Variants in FAIM observed in about 807,000 individuals in gnomAD.
FAIM encodes the protein Fas apoptotic inhibitory molecule.
FAIM carries 14 observed loss-of-function variants against 21.2 expected under a neutral mutation model. The ratio of observed to expected loss-of-function variants is 0.66; its 90% CI spans 0.44 to 1.03. FAIM has a LOEUF of 1.03. Among genes scored for constraint, FAIM ranks in the 50% least tolerant of loss-of-function variants. FAIM has a pLI of 0.00. For synonymous variants in FAIM, 86 were observed against 80.4 expected, an observed-to-expected ratio of 1.07 and a Z score of -0.37; for missense variants, 222 against 247.1, an observed-to-expected ratio of 0.90 and a Z score of 0.68.
In FAIM at chr3:138,624,232, A is replaced by G. The variant is rs75234259; in HGVS notation, c.406+1816A>G. ...ACTTAAACATATGGGACTTTAACAG[A>G]TGATGAAACCAGGCCTTTAAATTAA... On this transcript the variant is annotated intron_variant, in intron 4 of 5. Coordinates refer to ENST00000360570, the MANE Select transcript of FAIM (RefSeq NM_001033031.2). Among the ~76,000 whole-genome samples, 428 of 152,340 alleles carry G rather than the reference A, an allele frequency of 2.8e-3. 2 individuals carry two copies. The highest frequency in any genetic ancestry group is 3.8e-3 in the Non-Finnish European group (261 of 68,028).
intron 1 of FAIM, 98 bp from the exon 2 acceptor site, chr3:138,619,613 A>G (rs1028670543): frequency 9.4e-7 from 1 of 1,068,286 alleles, no homozygotes; most frequent in African/African-American, 1.6e-5. Flanking sequence ...TGGATTGCAA[A>G]ATTAGAAAAA....
chr3:138,620,773 G>A (rs944934730), intron 2 of FAIM, among the ~76,000 whole-genome samples: 1 of 152,214 alleles, frequency 6.6e-6, no homozygotes, highest in Non-Finnish European at 1.5e-5. Flanking sequence ...ACAGGCATGA[G>A]CCCCTGCACC....
intron 4 of FAIM, among the ~76,000 whole-genome samples, chr3:138,627,485 T>G (rs2042951551): frequency 6.6e-6 from 1 of 152,188 alleles, no homozygotes; most frequent in South Asian, 2.1e-4. Flanking sequence ...CTGGCCTTTT[T>G]TTGTACTTTT....
intron 4 of FAIM, among the ~76,000 whole-genome samples, chr3:138,624,847 T>C (rs2042923970): frequency 6.6e-6 from 1 of 151,920 alleles, no homozygotes; most frequent in Non-Finnish European, 1.5e-5. Context: ...TTAACAGTGT[T>C]TCTCACATTG....
intron 5 of FAIM, chr3:138,629,934 C>G (rs754377721): frequency 1.3e-5 from 2 of 152,030 alleles, no homozygotes; most frequent in Non-Finnish European, 2.9e-5. Flanking sequence ...GAATTTCAAG[C>G]AGGAGTGAAA....
At chr3:138,610,996 C>G (rs2042762154) in intron 1 of FAIM, 1 of 1,613,888 alleles carries the variant, frequency 6.2e-7, no homozygotes. Context: ...CACTGTTGTG[C>G]TATAATCATC....
chr3:138,627,569 C>T lies in FAIM; in HGVS notation c.407-1538C>T, dbSNP rs116805412. 2.9e-3 allele frequency among the ~76,000 whole-genome samples: 444 copies of T among 152,256 alleles called. 2 individuals carry two copies. The highest frequency in any genetic ancestry group is 0.01 in the African/African-American group (424 of 41,538). Reference sequence around the variant, plus strand: ...TGTTCTTCAGAGGCATGCTAATACGCTATTGTAGAAACTCTGAGTACACGT... The same window carrying T: ...TGTTCTTCAGAGGCATGCTAATACGTTATTGTAGAAACTCTGAGTACACGT... On this transcript the variant is annotated intron_variant, in intron 4 of 5. Transcript: ENST00000360570.
intron 5 of FAIM, chr3:138,630,170 C>T (rs2042990174): frequency 6.6e-6 from 1 of 152,152 alleles, no homozygotes. Context: ...TTGCTTTTAT[C>T]TCATTTGTAT....
At chr3:138,629,428 A>T in intron 5 of FAIM, 1 of 281,998 alleles carries the variant, frequency 3.5e-6, no homozygotes, top group Non-Finnish European at 6.5e-6. Flanking sequence ...AGCAAGTAAA[A>T]TACCTAAAAA....
Position 138,619,751 on chromosome 3 carries a change from A to G in FAIM, c.25A>G (p.Ile9Val). ...CATGGCATCTGGAGATGACAGTCCT[A>G]TCTTTGAAGATGATGAAAGGTAAAT... is the stretch of plus-strand genomic sequence containing the variant. Reference protein sequence around the residue: MASGDDSPIFEDDESPPYS... With the variant: MASGDDSPVFEDDESPPYS... Residue 9 changes from isoleucine to valine, a missense_variant, in exon 2 of 6, where the codon ATC becomes GTC. By Grantham distance (29) the Ile-to-Val change is conservative (BLOSUM62 3). Coordinates refer to ENST00000360570, the MANE Select transcript of FAIM (RefSeq NM_001033031.2). 2 of 1,613,722 alleles carry G rather than the reference A, an allele frequency of 1.2e-6. No individual in the cohort carries two copies. The highest frequency in any genetic ancestry group is 2.2e-5 in the South Asian group (2 of 90,958).
chr3:138,621,367 T>C, intron 2 of FAIM, 40 bp from the exon 3 acceptor site: 1 of 1,588,680 alleles, frequency 6.3e-7, no homozygotes, highest in Admixed American at 1.8e-5. Flanking sequence ...ATTTAATTAG[T>C]ATTTTGGCCT....
intron 1 of FAIM, among the ~76,000 whole-genome samples, chr3:138,619,162 C>A (rs1316696105): frequency 2.0e-5 from 3 of 152,238 alleles, no homozygotes; most frequent in Non-Finnish European, 4.4e-5. Context: ...TTCTTGCAAA[C>A]TCATTAGTTC....
At chr3:138,628,548 G>T (rs529540460) in intron 4 of FAIM, among the ~76,000 whole-genome samples, 1 of 151,502 alleles carries the variant, frequency 6.6e-6, no homozygotes, top group African/African-American at 2.4e-5. Context: ...GCAGTGGTGC[G>T]GTCTCGGCTC....
At chr3:138,610,921 A>C in intron 1 of FAIM, 11 of 1,571,974 alleles carry the variant, frequency 7.0e-6, no homozygotes, top group East Asian at 2.2e-5. Context: ...CTTCTTCGGC[A>C]GAGCTACGAC....
In FAIM at chr3:138,633,146, T is replaced by C. The variant is rs1251871962; in HGVS notation, c.*67T>C. On this transcript the variant is annotated 3_prime_UTR_variant, in exon 6 of 6. Coordinates refer to ENST00000360570, the MANE Select transcript of FAIM (RefSeq NM_001033031.2). ...TACTGTGGTAATTAAATGTGTTCAG[T>C]ATGTACTTATCAGTACATTTAGTCT... is the stretch of plus-strand genomic sequence containing the variant. 28 of 1,424,268 alleles carry C rather than the reference T, an allele frequency of 2.0e-5. No homozygotes were observed. Among genetic ancestry groups the C allele is most frequent in the Non-Finnish European group, 2.5e-5 (26 of 1,033,742 alleles). 88.2% of individuals were successfully genotyped at this position (1,424,268 alleles called of 1,614,324 possible).
chr3:138,628,400 T>C (rs575352026), intron 4 of FAIM, among the ~76,000 whole-genome samples: 1 of 152,172 alleles, frequency 6.6e-6, no homozygotes, highest in South Asian at 2.1e-4. Flanking sequence ...AGTCATCTGG[T>C]CAATATTGAA....
At chr3:138,631,998 A>T (rs1231986300) in intron 5 of FAIM, among the ~76,000 whole-genome samples, 1 of 151,984 alleles carries the variant, frequency 6.6e-6, no homozygotes, top group Non-Finnish European at 1.5e-5. Flanking sequence ...GCTAATAGCC[A>T]GGGGGTTTAA....
At chr3:138,628,018 G>C (rs1184585325) in intron 4 of FAIM, among the ~76,000 whole-genome samples, 1 of 152,096 alleles carries the variant, frequency 6.6e-6, no homozygotes, top group Non-Finnish European at 1.5e-5. Flanking sequence ...CTGGCTTCTT[G>C]ATTAGTGTAG....
chr3:138,618,069 C>T (rs2108341730), intron 1 of FAIM, among the ~76,000 whole-genome samples: 1 of 151,424 alleles, frequency 6.6e-6, no homozygotes, highest in Admixed American at 6.6e-5. Context: ...CAGCTTCTAA[C>T]TCCTAGGCTC....
Sources: gnomAD v4.1 joint callset for allele counts (sites outside exome capture counted in the v4.1 genomes callset) on GRCh38, gnomAD v4.1.1 for gene constraint, MANE v1.5 for transcripts, NCBI Gene and HGNC (gene_info 2026-07-23, HGNC 2026-07-21) for gene names.